Variants in MGAM2 observed in about 807,000 individuals in gnomAD.
The protein encoded by MGAM2 is probable maltase-glucoamylase 2.
MGAM2 carries 98 observed loss-of-function variants against 96.1 expected under a neutral mutation model. The ratio of observed to expected loss-of-function variants is 1.02; its 90% CI spans 0.87 to 1.21. The LOEUF (loss-of-function observed/expected upper bound fraction) is 1.21, where lower values mean the gene tolerates loss of function less well. MGAM2 is among the 50% of genes most tolerant of loss of function. MGAM2 has a pLI of 0.00. For missense variants in MGAM2, 2,055 were observed against 1,182.4 expected, an observed-to-expected ratio of 1.74 and a Z score of -10.82; for synonymous variants, 749 against 414.8, an observed-to-expected ratio of 1.81 and a Z score of -9.79.
chr7:142,126,279 A>G (rs978519921), intron 3 of MGAM2, among the ~76,000 whole-genome samples: 5 of 152,014 alleles, frequency 3.3e-5, no homozygotes, highest in African/African-American at 7.2e-5. Flanking sequence ...CTAATATTTT[A>G]TTGATATTTC....
At chr7:142,161,240 G>A in intron 22 of MGAM2, 27 bp downstream of exon 22, 2 of 700,912 alleles carry the variant, frequency 2.9e-6, no homozygotes, top group Admixed American at 4.0e-5. Flanking sequence ...CACCATCCCT[G>A]TGGATCACTG....
At chr7:142,127,826 A>T (rs565285746) in intron 3 of MGAM2, among the ~76,000 whole-genome samples, 45 of 152,294 alleles carry the variant, frequency 3.0e-4, no homozygotes, top group African/African-American at 1.1e-3. Flanking sequence ...TCCTTTATAA[A>T]TTACACAGTC....
At chr7:142,149,688 C>T (rs1334757917) in intron 15 of MGAM2, among the ~76,000 whole-genome samples, 35 of 151,792 alleles carry the variant, frequency 2.3e-4, no homozygotes, top group Admixed American at 2.3e-3. Flanking sequence ...CTACAGGCAG[C>T]TGCCACCACG....
chr7:142,217,298 T>C (rs1797793766), intron 46 of MGAM2, among the ~76,000 whole-genome samples: 1 of 152,190 alleles, frequency 6.6e-6, no homozygotes, highest in African/African-American at 2.4e-5. Context: ...CCACACTTCT[T>C]TGTTCACTCT....
At chr7:142,171,749 T>A (rs1327041027) in intron 28 of MGAM2, among the ~76,000 whole-genome samples, 1 of 148,942 alleles carries the variant, frequency 6.7e-6, no homozygotes, top group Non-Finnish European at 1.5e-5. Flanking sequence ...ATTCTACTTG[T>A]CAGGCACATT....
chr7:142,186,121 A>C lies in MGAM2; in HGVS notation c.4120A>C (p.Ile1374Leu), dbSNP rs1288730517. 1.3e-5 allele frequency: 9 copies of C among 702,780 alleles called. No homozygotes were observed. Among genetic ancestry groups the C allele is most frequent in the South Asian group, 1.2e-4 (8 of 67,354 alleles). The allele number at this position is 702,780 out of a possible 1,614,324, so 43.5% of individuals were successfully genotyped here. Residue 1374 changes from isoleucine to leucine, a missense_variant and splice_region_variant, in exon 35 of 48, where the codon ATT becomes CTT. Coordinates refer to ENST00000477922, the MANE Select transcript of MGAM2 (RefSeq NM_001293626.2). ...GAGCTTGAAGTTTGATGGATTGTGGATTGTAAGTGCACCCTTGGTTGTCTT... is the reference window on the plus strand; with the variant it reads ...GAGCTTGAAGTTTGATGGATTGTGGCTTGTAAGTGCACCCTTGGTTGTCTT... ...EKSLKFDGLW[I>L]DMNEPSNFVD...
chr7:142,128,786 G>A (rs1003725623), intron 3 of MGAM2, among the ~76,000 whole-genome samples: 6 of 152,210 alleles, frequency 3.9e-5, no homozygotes, highest in Non-Finnish European at 7.4e-5. Flanking sequence ...CCAGGCACAA[G>A]TTTTCTGCAT....
At chr7:142,184,534 C>T (rs949239241) in intron 33 of MGAM2, among the ~76,000 whole-genome samples, 1 of 152,146 alleles carries the variant, frequency 6.6e-6, no homozygotes, top group African/African-American at 2.4e-5. Flanking sequence ...ATAGGAAGTA[C>T]TTAGTAAGTG....
At chr7:142,190,267 C>CTTTTTTTTT (rs58228482) in intron 37 of MGAM2, among the ~76,000 whole-genome samples, 11 of 104,246 alleles carry the variant, frequency 1.1e-4, no homozygotes, top group South Asian at 3.3e-4. Flanking sequence ...TACCATTTTA[C>CTTTTTTTTT]TTTTTTTTTT....
intron 2 of MGAM2, among the ~76,000 whole-genome samples, chr7:142,118,533 G>C (rs1158202175): frequency 6.6e-6 from 1 of 152,118 alleles, no homozygotes; most frequent in Non-Finnish European, 1.5e-5. Flanking sequence ...GATTTTAGAT[G>C]GTTCATGGAG....
intron 15 of MGAM2, among the ~76,000 whole-genome samples, chr7:142,149,709 T>G (rs1795504713): frequency 1.3e-5 from 2 of 149,688 alleles, no homozygotes; most frequent in Admixed American, 1.3e-4. Flanking sequence ...CCCGGCTAAT[T>G]GTTTGTATTT....
chr7:142,160,369 C>T (rs1795853455), intron 21 of MGAM2, 111 bp downstream of exon 21: 1 of 571,138 alleles, frequency 1.8e-6, no homozygotes, highest in African/African-American at 1.9e-5. Flanking sequence ...ATAAGTCACC[C>T]ATCAGTAATC....
intron 14 of MGAM2, 31 bp downstream of exon 14, chr7:142,144,976 G>C (rs1563258621): frequency 1.4e-6 from 1 of 701,626 alleles, no homozygotes; most frequent in Non-Finnish European, 2.6e-6. Context: ...TATGACGTAG[G>C]AATAAGCCAT....
intron 38 of MGAM2, 83 bp downstream of exon 38, chr7:142,196,370 T>C (rs1324124021): frequency 4.6e-6 from 3 of 654,838 alleles, no homozygotes; most frequent in African/African-American, 1.8e-5. Context: ...GTTATGTCTC[T>C]ATCATCATCT....
intron 17 of MGAM2, among the ~76,000 whole-genome samples, chr7:142,157,641 C>T (rs563921543): frequency 9.2e-5 from 14 of 152,250 alleles, no homozygotes; most frequent in South Asian, 4.1e-4. Flanking sequence ...CTGCCTGGCT[C>T]GGCCTCCCAA....
chr7:142,197,448 A>G lies in MGAM2; in HGVS notation c.4681A>G (p.Lys1561Glu). ...WNSTFEMLSR[K>E]VLETRYTLLP... ...TTCAACCTTTGAGATGTTGTCCAGAAAAGTCCTAGAGACCAGATATACCCT... is the reference window on the plus strand; with the variant it reads ...TTCAACCTTTGAGATGTTGTCCAGAGAAGTCCTAGAGACCAGATATACCCT... Residue 1561 changes from lysine (K) to glutamate (E), a missense_variant, in exon 41 of 48, where the codon AAA becomes GAA. Coordinates refer to ENST00000477922, the MANE Select transcript of MGAM2 (RefSeq NM_001293626.2). 1.4e-6 allele frequency: 1 copy of G among 703,034 alleles called. No homozygotes were observed. Among genetic ancestry groups the G allele is most frequent in the Non-Finnish European group, 2.6e-6 (1 of 385,018 alleles). 43.5% of individuals were successfully genotyped at this position (703,034 alleles called of 1,614,324 possible). A position where few individuals can be genotyped will look rare whatever the true frequency, so the allele number is the denominator to read the frequency against.
At chr7:142,200,696 T>A (rs1279559122) in intron 45 of MGAM2, among the ~76,000 whole-genome samples, 1 of 152,200 alleles carries the variant, frequency 6.6e-6, no homozygotes, top group Non-Finnish European at 1.5e-5. Context: ...TTTTCACTAC[T>A]AATATTTCTA....
chr7:142,154,647 C>G (rs1297601226), intron 16 of MGAM2, 82 bp from the exon 17 acceptor site: 1 of 673,870 alleles, frequency 1.5e-6, no homozygotes, highest in Non-Finnish European at 2.7e-6. Context: ...AAGAGGTTCT[C>G]TTTTCCCTTA....
intron 17 of MGAM2, among the ~76,000 whole-genome samples, chr7:142,155,668 T>C (rs182359333): frequency 6.6e-6 from 1 of 152,326 alleles, no homozygotes; most frequent in Admixed American, 6.5e-5. Context: ...TCTAAATGTC[T>C]TAAGCAGGTG....
Sources: allele counts gnomAD v4.1 joint callset (sites outside exome capture counted in the v4.1 genomes callset), GRCh38; gene constraint gnomAD v4.1.1; transcripts MANE v1.5; gene names NCBI Gene and HGNC (gene_info 2026-07-23, HGNC 2026-07-21).